CCNJL: variants seen among roughly 807,000 people sequenced by gnomAD.
CCNJL encodes cyclin-J-like protein.
A neutral mutation model predicts 33.4 loss-of-function variants in CCNJL; 33 were observed. The observed-to-expected ratio is 0.99, with a 90% CI of 0.75 to 1.32. CCNJL has a LOEUF of 1.32. CCNJL is among the 40% of genes most tolerant of loss of function. The pLI is 0.00. For missense variants in CCNJL, 512 were observed against 499.7 expected (o/e 1.02, Z -0.23); for synonymous variants, 227 against 220.9 (o/e 1.03, Z -0.24).
chr5:160,288,252 C>A (rs6556488), intron 2 of CCNJL, among the ~76,000 whole-genome samples: 1 of 152,076 alleles, frequency 6.6e-6, no homozygotes, highest in East Asian at 1.9e-4. Flanking sequence ...TGCTTTTCAA[C>A]AGCCTGAATT....
chr5:160,302,481 T>A (rs1046950539), intron 2 of CCNJL, among the ~76,000 whole-genome samples: 2 of 152,262 alleles, frequency 1.3e-5, no homozygotes, highest in Non-Finnish European at 2.9e-5. Flanking sequence ...CTATTCATGG[T>A]TTCATAAAAG....
chr5:160,335,599 G>A (rs139128618), intron 1 of CCNJL, among the ~76,000 whole-genome samples: 1 of 151,920 alleles, frequency 6.6e-6, no homozygotes, highest in East Asian at 1.9e-4. Flanking sequence ...TTTTGAGATG[G>A]GGTCTCTGTT....
chr5:160,321,637 G>A (rs745489339), intron 1 of CCNJL, among the ~76,000 whole-genome samples: 1 of 152,270 alleles, frequency 6.6e-6, no homozygotes, highest in Non-Finnish European at 1.5e-5. Flanking sequence ...ATTAAAGCAC[G>A]ATTAAAATAT....
chr5:160,313,187 A>C (rs1357679882), upstream of CCNJL, among the ~76,000 whole-genome samples: 3 of 152,108 alleles, frequency 2.0e-5, no homozygotes, highest in African/African-American at 7.2e-5. Flanking sequence ...GATGGAAAAC[A>C]TTGTCTTTTT....
Position 160,326,349 on chromosome 5 carries a change from T to TGC in CCNJL, n.207-10845_207-10844insGC, listed in dbSNP as rs1581021978. 3.3e-5 allele frequency among the ~76,000 whole-genome samples: 5 copies of TGC among 151,924 alleles called. No individual in the cohort carries two copies. The East Asian group carries it at 9.7e-4, about 30-fold the overall frequency. On this transcript the variant is annotated intron_variant and non_coding_transcript_variant, in intron 1 of 7. Coordinates refer to the CCNJL transcript ENST00000377503. ...AATTAGCCAGGCATGGTGGCACGCA[T>TGC]CTGTAACCCTAGCTACTTGGGTGGC... is the stretch of plus-strand genomic sequence containing the variant.
At chr5:160,335,777 T>C (rs1168150113) in intron 1 of CCNJL, among the ~76,000 whole-genome samples, 1 of 149,868 alleles carries the variant, frequency 6.7e-6, no homozygotes, top group Non-Finnish European at 1.5e-5. Context: ...AGAAACAATG[T>C]TTTGCTTTGT....
chr5:160,287,539 AC>A (rs1737032652), intron 2 of CCNJL, among the ~76,000 whole-genome samples: 3 of 152,320 alleles, frequency 2.0e-5, no homozygotes, highest in Middle Eastern at 6.8e-3. Flanking sequence ...CACTTCGCTA[AC>A]CCAATTAGGG....
chr5:160,264,144 C>T (rs1441384474), intron 3 of CCNJL, among the ~76,000 whole-genome samples: 1 of 152,084 alleles, frequency 6.6e-6, no homozygotes, highest in African/African-American at 2.4e-5. Context: ...CCAGGCTGGT[C>T]GAAATCCTGG....
chr5:160,287,785 G>A (rs1205214559), intron 2 of CCNJL, among the ~76,000 whole-genome samples: 8 of 152,242 alleles, frequency 5.3e-5, no homozygotes, highest in Admixed American at 5.2e-4. Flanking sequence ...GGCAGGCGCT[G>A]GGCGGGCAGG....
chr5:160,253,299 A>C lies in CCNJL; in HGVS notation c.*79T>G. ...TTCAGGGATGGCCTCCTGCTGCCTCACTTGGCTGAGCTCTCCTCTTCAGTG... is the reference window on the plus strand; with the variant it reads ...TTCAGGGATGGCCTCCTGCTGCCTCCCTTGGCTGAGCTCTCCTCTTCAGTG... On this transcript the variant is annotated 3_prime_UTR_variant, in exon 6 of 6. Transcript: ENST00000257536. 7.1e-7 allele frequency: 1 copy of C among 1,409,824 alleles called. No homozygotes were observed. The highest frequency in any genetic ancestry group is 9.5e-7 in the Non-Finnish European group (1 of 1,048,266). The allele number at this position is 1,409,824 out of a possible 1,614,324, so 87.3% of individuals were successfully genotyped here. A position where few individuals can be genotyped will look rare whatever the true frequency, so the allele number is the denominator to read the frequency against.
chr5:160,280,808 A>ATTTCC, intron 2 of CCNJL, 70 bp from the exon 3 acceptor site: 3 of 1,050,558 alleles, frequency 2.9e-6, no homozygotes, highest in Non-Finnish European at 4.3e-6. Flanking sequence ...GTCCCAGGAA[A>ATTTCC]TGGGACCTCA....
intron 3 of CCNJL, among the ~76,000 whole-genome samples, chr5:160,279,115 AC>A (rs1762119873): frequency 6.6e-6 from 1 of 152,192 alleles, no homozygotes; most frequent in African/African-American, 2.4e-5. Flanking sequence ...TGCTTCCGGA[AC>A]TGGGTGATCG....
intron 3 of CCNJL, among the ~76,000 whole-genome samples, chr5:160,264,160 A>T (rs1761471647): frequency 6.6e-6 from 1 of 152,132 alleles, no homozygotes; most frequent in Admixed American, 6.5e-5. Flanking sequence ...CCTGGGCTCA[A>T]GTGATCTGCC....
chr5:160,258,445 A>G, intron 4 of CCNJL: 4 of 1,035,274 alleles, frequency 3.9e-6, no homozygotes, highest in Non-Finnish European at 6.1e-6. Context: ...TCACATGAAG[A>G]GGGCACTGGA....
chr5:160,317,221 A>G (rs1363083020), upstream of CCNJL, among the ~76,000 whole-genome samples: 2 of 152,246 alleles, frequency 1.3e-5, no homozygotes, highest in African/African-American at 2.4e-5. Context: ...AGTTCTTGAG[A>G]TATGAGTCGG....
chr5:160,267,582 G>A lies in CCNJL; in HGVS notation c.281-7811C>T, dbSNP rs1761653878. On this transcript the variant is annotated intron_variant, in intron 3 of 5. Transcript: ENST00000257536. ...CAGGAAACCTTATATACAGTCACAA[G>A]GCCCCCTGCAATCCTATAAGCTCCA... Among the ~76,000 whole-genome samples, 5 of 152,238 alleles carry A rather than the reference G, an allele frequency of 3.3e-5. No homozygotes were observed. In the South Asian group the frequency reaches 8.3e-4, roughly 25 times the overall value.
In CCNJL at chr5:160,252,712, A is replaced by T. The variant is rs1267582415; in HGVS notation, c.*666T>A. 6.6e-6 allele frequency: 1 copy of T among 152,648 alleles called. No individual in the cohort carries two copies. Among genetic ancestry groups the T allele is most frequent in the Non-Finnish European group, 1.5e-5 (1 of 68,040 alleles). 9.5% of individuals were successfully genotyped at this position (152,648 alleles called of 1,614,324 possible). A position where few individuals can be genotyped will look rare whatever the true frequency, so the allele number is the denominator to read the frequency against. ...CAAAGGAATTTTCAAGTATCACCAA[A>T]TCCCTGATACAGTGTGTAAACAAGA... is the stretch of plus-strand genomic sequence containing the variant. On this transcript the variant is annotated 3_prime_UTR_variant, in exon 6 of 6. Transcript: ENST00000257536.
intron 2 of CCNJL, among the ~76,000 whole-genome samples, chr5:160,303,882 A>T (rs974775620): frequency 2.0e-5 from 3 of 152,176 alleles, no homozygotes; most frequent in African/African-American, 7.2e-5. Context: ...GACAAAGAAG[A>T]AGTCAATGAC....
chr5:160,337,996 G>A (rs139127570), intron 1 of CCNJL, among the ~76,000 whole-genome samples: 1 of 152,240 alleles, frequency 6.6e-6, no homozygotes, highest in Non-Finnish European at 1.5e-5. Flanking sequence ...GCCAATCAGG[G>A]CTCAGCTGTA....
Sources: allele counts gnomAD v4.1 joint callset (sites outside exome capture counted in the v4.1 genomes callset), GRCh38; gene constraint gnomAD v4.1.1; transcripts MANE v1.5; gene names NCBI Gene and HGNC (gene_info 2026-07-23, HGNC 2026-07-21).